Variants in SLC27A1 observed in about 807,000 individuals in gnomAD.
The protein encoded by SLC27A1 is long-chain fatty acid transport protein 1.
In SLC27A1, 61 loss-of-function variants were observed where a neutral mutation model predicts 62.2. The observed-to-expected ratio is 0.98, with a 90% CI of 0.80 to 1.21. The LOEUF (loss-of-function observed/expected upper bound fraction) is 1.21. Ranked by LOEUF, SLC27A1 falls within the 50% of genes most tolerant of loss-of-function variation. The probability of loss-of-function intolerance (pLI) is 0.00; values close to 1 mark genes in which losing one functional copy is unlikely to be tolerated. For synonymous variants in SLC27A1, 435 were observed against 408.6 expected (o/e 1.06, Z -0.78); for missense variants, 903 against 932.1 (o/e 0.97, Z 0.41).
At chr19:17,474,985 C>G (rs540088480) in intron 1 of SLC27A1, among the ~76,000 whole-genome samples, 1 of 151,274 alleles carries the variant, frequency 6.6e-6, no homozygotes, top group Non-Finnish European at 1.5e-5. Context: ...AGTGGTGTGA[C>G]TCCACTGCAC....
At chr19:17,494,750 G>A (rs1214709179) in intron 6 of SLC27A1, among the ~76,000 whole-genome samples, 6 of 151,646 alleles carry the variant, frequency 4.0e-5, no homozygotes, top group African/African-American at 1.5e-4. Flanking sequence ...TGATTTCTTG[G>A]GCTGCTTTTT....
At position 17,500,777 on chromosome 19, in the gene SLC27A1, C is replaced by T. The variant is rs370443607; in HGVS notation, c.1537C>T (p.Arg513Cys). The T allele has an allele frequency of 1.5e-5, 25 of 1,613,144 alleles. No homozygotes were observed. Among genetic ancestry groups the T allele is most frequent in the Non-Finnish European group, 1.9e-5 (22 of 1,179,794 alleles). The change falls in exon 10 of 12, where the codon CGC (arginine) becomes TGC (cysteine). Residue 513 changes from arginine (R) to cysteine (C), a missense_variant. Coordinates refer to ENST00000252595, the MANE Select transcript of SLC27A1 (RefSeq NM_198580.3). The part of the protein sequence containing the change: ...YFRDRSGDTF[R>C]WRGENVSTTE... ...CCGGGACCGTAGCGGGGACACCTTC[C>T]GCTGGCGAGGGGAGAACGTCTCCAC...
chr19:17,477,275 C>T lies in SLC27A1; in HGVS notation c.167+6568C>T, dbSNP rs1221887113. On this transcript the variant is annotated intron_variant, in intron 1 of 11. Transcript: ENST00000252595. The stretch of plus-strand genomic sequence containing the variant: ...TTTTTTTTTTTTTTTGAGACTGAAT[C>T]TTGCTCGATTGCCCAGGCTGGAGTG... 2.2e-3 allele frequency among the ~76,000 whole-genome samples: 161 copies of T among 72,058 alleles called. 1 individual carries two copies. Among genetic ancestry groups the T allele is most frequent in the African/African-American group, 6.6e-3 (142 of 21,508 alleles). The allele number at this position is 72,058 out of a possible 152,430, so 47.3% of individuals were successfully genotyped here.
intron 1 of SLC27A1, among the ~76,000 whole-genome samples, chr19:17,482,599 C>T (rs145622000): frequency 1.2e-4 from 17 of 147,492 alleles, no homozygotes; most frequent in East Asian, 6.0e-4. Context: ...TTCAGTGAGC[C>T]GAGATAGCAC....
chr19:17,476,769 C>G (rs777410945), intron 1 of SLC27A1, among the ~76,000 whole-genome samples: 43 of 151,840 alleles, frequency 2.8e-4, no homozygotes, highest in Non-Finnish European at 5.7e-4. Flanking sequence ...GCCCCCAGTT[C>G]ATTCATTATT....
chr19:17,498,813 CAG>C (rs1491019533), intron 7 of SLC27A1: 1 of 157,384 alleles, frequency 6.4e-6, no homozygotes, highest in Admixed American at 6.5e-5. Context: ...GTCCACTGGA[CAG>C]GGGGCCCTTC....
Position 17,500,616 on chromosome 19 carries a change from C to T in SLC27A1, c.1455C>T (p.Asp485=). 6.2e-7 allele frequency: 1 copy of T among 1,613,810 alleles called. No homozygotes were observed. The highest frequency in any genetic ancestry group is 8.5e-7 in the Non-Finnish European group (1 of 1,179,990). ...KIAHSVFSKG[D]SAYLSGDVLV... ...CCCACAGCGTCTTCAGCAAGGGCGA[C>T]AGCGCCTACCTCTCAGGTGCGCAGC... is the stretch of plus-strand genomic sequence containing the variant. Residue 485 remains aspartate, a synonymous_variant, in exon 9 of 12, where the codon GAC becomes GAT. Transcript: ENST00000252595.
In SLC27A1 at chr19:17,500,374, G is replaced by T. The variant is rs1568424263; in HGVS notation, c.1303G>T (p.Ala435Ser). The T allele has an allele frequency of 6.2e-7, 1 of 1,614,142 alleles. No homozygotes were observed. Among genetic ancestry groups the T allele is most frequent in the Non-Finnish European group, 8.5e-7 (1 of 1,179,986 alleles). Residue 435 changes from alanine (A) to serine (S), a missense_variant, in exon 8 of 12, where the codon GCC (alanine) becomes TCC (serine). Physicochemically the swap from Ala to Ser is moderately conservative, Grantham distance 99. Coordinates refer to ENST00000252595, the MANE Select transcript of SLC27A1 (RefSeq NM_198580.3). ...GGACACAATGGAGCTGCTGCGGGAT[G>T]CCCAGGGCCTCTGCATCCCCTGCCA... ...NEDTMELLRD[A>S]QGLCIPCQAG...
intron 6 of SLC27A1, among the ~76,000 whole-genome samples, chr19:17,493,314 G>A (rs1473745360): frequency 6.7e-6 from 1 of 150,006 alleles, no homozygotes; most frequent in Non-Finnish European, 1.5e-5. Flanking sequence ...TGTAGTCCCA[G>A]CTACCCGGGA....
chr19:17,500,342 T>G lies in SLC27A1; in HGVS notation c.1271T>G (p.Val424Gly). Residue 424 changes from valine (V) to glycine (G), a missense_variant, in exon 8 of 12, where the codon GTC (valine) becomes GGC (glycine). By Grantham distance (109) the Val-to-Gly change is moderately radical (BLOSUM62 -3). Transcript: ENST00000252595. ...GTGTACCCCATCCGGCTGGTGAAGG[T>G]CAATGAGGACACAATGGAGCTGCTG... ...PHVYPIRLVK[V>G]NEDTMELLRD... 1 of 1,614,142 alleles carries G rather than the reference T, an allele frequency of 6.2e-7. No individual in the cohort carries two copies. Among genetic ancestry groups the G allele is most frequent in the Non-Finnish European group, 8.5e-7 (1 of 1,180,004 alleles).
chr19:17,504,660 A>T lies in SLC27A1; in HGVS notation c.*48A>T, dbSNP rs1224466127. ...AACTCTGGGCCTGGTGGGAGAGGCC[A>T]GCTTGAGCCAGACAGCGCTGCCCAG... On this transcript the variant is annotated 3_prime_UTR_variant, in exon 12 of 12. Transcript: ENST00000252595. The T allele has an allele frequency of 6.2e-7, 1 of 1,611,222 alleles. No homozygotes were observed. The highest frequency in any genetic ancestry group is 1.7e-5 in the Admixed American group (1 of 59,754).
At chr19:17,477,239 G>GTTTTTTTTTT (rs1368216587) in intron 1 of SLC27A1, among the ~76,000 whole-genome samples, 1 of 49,056 alleles carries the variant, frequency 2.0e-5, no homozygotes, top group Non-Finnish European at 4.4e-5. Flanking sequence ...GATGAGCAGC[G>GTTTTTTTTTT]CTTTTTTTTT....
At chr19:17,469,376 C>T (rs2075051319), upstream of SLC27A1, among the ~76,000 whole-genome samples, 1 of 151,898 alleles carries the variant, frequency 6.6e-6, no homozygotes. Flanking sequence ...CAAGCTGGAG[C>T]AAGAATACAG....
intron 11 of SLC27A1, 103 bp downstream of exon 11, chr19:17,501,522 G>T (rs2075412794): frequency 5.4e-6 from 8 of 1,480,836 alleles, no homozygotes; most frequent in Admixed American, 2.0e-5. Flanking sequence ...ACCTGGCCGG[G>T]GCCAGGCACG....
At chr19:17,495,845 G>C (rs2075344549) in intron 6 of SLC27A1, 1 of 152,330 alleles carries the variant, frequency 6.6e-6, no homozygotes, top group African/African-American at 2.4e-5. Context: ...GATCATATTG[G>C]TTTAGTCATC....
At chr19:17,469,506 C>T (rs996981941), upstream of SLC27A1, among the ~76,000 whole-genome samples, 1 of 152,000 alleles carries the variant, frequency 6.6e-6, no homozygotes, top group East Asian at 1.9e-4. Context: ...CTGCAGGACA[C>T]GTGTGTTTCC....
intron 6 of SLC27A1, among the ~76,000 whole-genome samples, chr19:17,492,907 T>C (rs2075308612): frequency 6.6e-6 from 1 of 150,938 alleles, no homozygotes; most frequent in African/African-American, 2.4e-5. Flanking sequence ...GCCATTGCAC[T>C]CCAGCCTGGG....
Position 17,504,887 on chromosome 19 carries a change from T to C in SLC27A1, c.*275T>C. On this transcript the variant is annotated 3_prime_UTR_variant, in exon 12 of 12. Transcript: ENST00000252595. ...CCTTAACTCTTCCCTCTTTTTCTTTTCTTTCTTTCTTTCTTTTTTTTTTAA... is the reference window on the plus strand; with the variant it reads ...CCTTAACTCTTCCCTCTTTTTCTTTCCTTTCTTTCTTTCTTTTTTTTTTAA... 1.6e-6 allele frequency: 1 copy of C among 611,566 alleles called. No homozygotes were observed. Among genetic ancestry groups the C allele is most frequent in the South Asian group, 1.5e-5 (1 of 65,212 alleles). 37.9% of individuals were successfully genotyped at this position (611,566 alleles called of 1,614,324 possible).
rs1175394305 is a variant in SLC27A1 at position 17,502,335 on chromosome 19, G to GTTTTTTTTTTTTTTTT, written c.1783+924_1783+925insTTTTTTTTTTTTTTTT. 7.9e-5 allele frequency among the ~76,000 whole-genome samples: 6 copies of GTTTTTTTTTTTTTTTT among 75,902 alleles called. 1 individual carries two copies. The highest frequency in any genetic ancestry group is 1.8e-4 in the Admixed American group (1 of 5,454). 49.8% of individuals were successfully genotyped at this position (75,902 alleles called of 152,430 possible). ...CTGCCACTAAGCATTCTGAAATAGTGTTTTTTTTGTTTTTTTTTTTTTTTT... is the reference window on the plus strand; with the variant it reads ...CTGCCACTAAGCATTCTGAAATAGTGTTTTTTTTTTTTTTTTTTTTTTTTGTTTTTTTTTTTTTTTT... On this transcript the variant is annotated intron_variant, in intron 11 of 11. Transcript: ENST00000252595.
Sources: gnomAD v4.1 joint callset for allele counts (sites outside exome capture counted in the v4.1 genomes callset) on GRCh38, gnomAD v4.1.1 for gene constraint, MANE v1.5 for transcripts, NCBI Gene and HGNC (gene_info 2026-07-23, HGNC 2026-07-21) for gene names.